CCDC39: variants seen among roughly 807,000 people sequenced by gnomAD.
CCDC39 encodes coiled-coil domain 39 molecular ruler complex subunit.
Under a neutral mutation model 121.0 loss-of-function variants are expected in CCDC39, and 113 were observed. The observed-to-expected ratio is 0.93, with a 90% CI of 0.80 to 1.09. CCDC39 has a LOEUF of 1.09. Among genes scored for constraint, CCDC39 ranks in the 50% least tolerant of loss-of-function variants. CCDC39 has a pLI of 0.00. For missense variants in CCDC39, 1,063 were observed against 1,074.7 expected (o/e 0.99, Z 0.15); for synonymous variants, 349 against 352.2 (o/e 0.99, Z 0.10).
Position 180,647,129 on chromosome 3 carries a change from C to G in CCDC39, c.1477G>C (p.Glu493Gln). ...AAAAGGCCACATGTAGATTTTTTCT[C>G]TTCCAAAGACTTCCTAAGTTCAACA... ...KIVELRKSLE[E>Q]KKSTCGLLET... The change falls in exon 11 of 20, where the codon GAG (glutamate) becomes CAG (glutamine). Residue 493 changes from glutamate (E) to glutamine (Q), a missense_variant. Transcript: ENST00000476379. The G allele has an allele frequency of 6.2e-7, 1 of 1,609,114 alleles. No homozygotes were observed. Among genetic ancestry groups the G allele is most frequent in the Non-Finnish European group, 8.5e-7 (1 of 1,178,404 alleles).
intron 14 of CCDC39, among the ~76,000 whole-genome samples, chr3:180,621,173 A>G (rs906510060): frequency 2.0e-5 from 3 of 152,088 alleles, no homozygotes; most frequent in African/African-American, 7.2e-5. Flanking sequence ...CCATCAATGG[A>G]CACTTCGGTT....
intron 13 of CCDC39, among the ~76,000 whole-genome samples, chr3:180,639,075 A>C (rs1717896424): frequency 6.6e-6 from 1 of 152,114 alleles, no homozygotes; most frequent in Middle Eastern, 3.2e-3. Context: ...TAAATGTATA[A>C]ATCAACTGGA....
At chr3:180,656,702 G>C (rs1181334906) in intron 6 of CCDC39, among the ~76,000 whole-genome samples, 1 of 150,380 alleles carries the variant, frequency 6.6e-6, no homozygotes, top group African/African-American at 2.5e-5. Flanking sequence ...TGATTAAAAA[G>C]TTTGCAGTAA....
rs561979601 is a variant in CCDC39, at chr3:180,619,814, A to G, written c.2155T>C (p.Ser719Pro). The G allele has an allele frequency of 2.7e-5, 43 of 1,583,488 alleles. No individual in the cohort carries two copies. In the African/African-American group the frequency reaches 3.3e-4, roughly 12 times the overall value. The part of the protein sequence containing the change: ...YKQSFKKVTP[S>P]SDEYELKIQL... ...AAAAAAGTTAACTCCTACATACTAG[A>G]TGGAGTCACTTTTTTAAAAGATTGC... The change falls in exon 15 of 20, where the codon TCT (serine) becomes CCT (proline). Residue 719 changes from serine (S) to proline (P), a missense_variant. Coordinates refer to ENST00000476379, the MANE Select transcript of CCDC39 (RefSeq NM_181426.2).
chr3:180,616,234 G>A (rs766812889), intron 19 of CCDC39, 47 bp downstream of exon 19: 2 of 1,514,518 alleles, frequency 1.3e-6, no homozygotes, highest in South Asian at 1.1e-5. Flanking sequence ...ATCACTTAGT[G>A]TACAGCTGTG....
At chr3:180,632,094 G>A (rs1455469899) in intron 13 of CCDC39, among the ~76,000 whole-genome samples, 5 of 152,138 alleles carry the variant, frequency 3.3e-5, no homozygotes, top group Non-Finnish European at 5.9e-5. Context: ...TCAAGCCTAG[G>A]TAACCCAAAT....
chr3:180,660,640 TC>T lies in CCDC39; in HGVS notation c.445del (p.Glu149AsnfsTer26). 1 of 1,603,468 alleles carries T rather than the reference TC, an allele frequency of 6.2e-7. No homozygotes were observed. The highest frequency in any genetic ancestry group is 1.1e-5 in the South Asian group (1 of 89,100). On this transcript the variant is annotated frameshift_variant, in exon 4 of 20. Transcript: ENST00000476379. LOFTEE classifies it high-confidence loss of function. ...DQQALEAWLE[E>X]SAHKDSDALT... The stretch of plus-strand genomic sequence containing the variant: ...AGCATCACTATCTTTATGAGCTGAT[TC>T]TTCTAACCAGGCCTCCAATGCTTGC...
In CCDC39 at chr3:180,663,499, C is replaced by T. The variant is rs1000016331; in HGVS notation, c.210+368G>A. On this transcript the variant is annotated intron_variant, in intron 2 of 19. Coordinates refer to ENST00000476379, the MANE Select transcript of CCDC39 (RefSeq NM_181426.2). Reference sequence around the variant, plus strand: ...ACCAGCCTGACCAACATGGTGAAATCCCATCTTTACCAAAAATACAAAAAT... The same window carrying T: ...ACCAGCCTGACCAACATGGTGAAATTCCATCTTTACCAAAAATACAAAAAT... Among the ~76,000 whole-genome samples, 4 of 151,970 alleles carry T rather than the reference C, an allele frequency of 2.6e-5. No homozygotes were observed. The East Asian group carries it at 7.7e-4, about 29-fold the overall frequency.
At chr3:180,620,224 A>G (rs1333701199) in intron 14 of CCDC39, among the ~76,000 whole-genome samples, 1 of 152,040 alleles carries the variant, frequency 6.6e-6, no homozygotes, top group Non-Finnish European at 1.5e-5. Flanking sequence ...ACCAAAGCTT[A>G]TATAAAAATT....
chr3:180,673,315 A>G (rs1409311449), intron 1 of CCDC39, among the ~76,000 whole-genome samples: 2 of 152,226 alleles, frequency 1.3e-5, no homozygotes, highest in Admixed American at 1.3e-4. Flanking sequence ...CATGAAAGGA[A>G]GAATCTGTTG....
chr3:180,656,532 A>G (rs1349638346), intron 6 of CCDC39, among the ~76,000 whole-genome samples: 1 of 152,140 alleles, frequency 6.6e-6, no homozygotes, highest in Admixed American at 6.5e-5. Flanking sequence ...ACCCTCCAAT[A>G]TGCTACCGTC....
intron 1 of CCDC39, among the ~76,000 whole-genome samples, chr3:180,677,446 C>A (rs953499805): frequency 3.3e-5 from 5 of 150,810 alleles, no homozygotes; most frequent in Admixed American, 2.6e-4. Flanking sequence ...ATGATAAAAC[C>A]ATTATTTTTA....
rs1261102676 is a variant in CCDC39, at chr3:180,677,153, ATAATAATAATAATTTTATATATATATAT to A, written c.90+2110_90+2137del. The stretch of plus-strand genomic sequence containing the variant: ...TAAAACTTAAAGTATTATAATAATA[ATAATAATAATAATTTTATATATATATAT>A]ATATATATATATATATATATATATA... On this transcript the variant is annotated intron_variant, in intron 1 of 19. Transcript: ENST00000476379. Among the ~76,000 whole-genome samples, 894 of 109,178 alleles carry A rather than the reference ATAATAATAATAATTTTATATATATATAT, an allele frequency of 8.2e-3. 20 individuals are homozygous for A. The highest frequency in any genetic ancestry group is 0.034 in the African/African-American group (855 of 25,038). The allele number at this position is 109,178 out of a possible 152,430, so 71.6% of individuals were successfully genotyped here.
intron 6 of CCDC39, among the ~76,000 whole-genome samples, chr3:180,658,719 TAAC>T (rs1213830162): frequency 6.6e-6 from 1 of 152,104 alleles, no homozygotes; most frequent in Non-Finnish European, 1.5e-5. Context: ...ATTGAAAATA[TAAC>T]AACCAAAAGT....
rs1340300014 is a variant in CCDC39 at position 180,660,421 on chromosome 3, C to T, written c.516+149G>A. On this transcript the variant is annotated intron_variant, in intron 4 of 19. Coordinates refer to ENST00000476379, the MANE Select transcript of CCDC39 (RefSeq NM_181426.2). ...ATAGTCATTTTTTCTACAGAGAAGA[C>T]ATTTGGCTTTATTAGCTTCTCCAAG... is the stretch of plus-strand genomic sequence containing the variant. The T allele has an allele frequency of 6.9e-6, 4 of 579,204 alleles. No individual in the cohort carries two copies. In the East Asian group the frequency reaches 8.9e-5, roughly 13 times the overall value. 35.9% of individuals were successfully genotyped at this position (579,204 alleles called of 1,614,324 possible).
intron 1 of CCDC39, among the ~76,000 whole-genome samples, chr3:180,673,685 A>G (rs986969930): frequency 1.3e-5 from 2 of 152,140 alleles, no homozygotes; most frequent in African/African-American, 4.8e-5. Flanking sequence ...AGAAAAACGA[A>G]GGTATGTGAT....
chr3:180,623,326 G>A (rs991172842), intron 14 of CCDC39, among the ~76,000 whole-genome samples: 5 of 151,366 alleles, frequency 3.3e-5, no homozygotes, highest in African/African-American at 7.3e-5. Flanking sequence ...TTTGTTTTCC[G>A]ATTTTGTTTG....
chr3:180,655,318 G>A (rs1291881042), intron 6 of CCDC39, among the ~76,000 whole-genome samples: 3 of 151,800 alleles, frequency 2.0e-5, no homozygotes, highest in Non-Finnish European at 4.4e-5. Flanking sequence ...TTTACAGACC[G>A]GTTTTTTTTT....
At chr3:180,648,567 C>G (rs1379032633) in intron 9 of CCDC39, among the ~76,000 whole-genome samples, 1 of 152,104 alleles carries the variant, frequency 6.6e-6, no homozygotes, top group Non-Finnish European at 1.5e-5. Context: ...CTTTTACGCC[C>G]GTGTCATACA....
Sources: allele counts gnomAD v4.1 joint callset (sites outside exome capture counted in the v4.1 genomes callset), GRCh38; gene constraint gnomAD v4.1.1; transcripts MANE v1.5; gene names NCBI Gene and HGNC (gene_info 2026-07-23, HGNC 2026-07-21).